CDKN2B-AS1: variants seen among roughly 807,000 people sequenced by gnomAD.
The protein encoded by CDKN2B-AS1 is CDKN2B and CDKN2A antisense cis and trans regulatory RNA 1.
intron 4 of CDKN2B-AS1, among the ~76,000 whole-genome samples, chr9:22,088,342 T>C (rs901831122): frequency 6.6e-6 from 1 of 152,154 alleles, no homozygotes; most frequent in Non-Finnish European, 1.5e-5. Context: ...TCAGTGGTAT[T>C]TACCTTTTTG....
At chr9:22,077,988 A>G (rs763688574) in intron 4 of CDKN2B-AS1, 2 of 152,142 alleles carry the variant, frequency 1.3e-5, no homozygotes, top group Non-Finnish European at 2.9e-5. Context: ...ACTGCTTCAT[A>G]TTTTTAAGTT....
intron 1 of CDKN2B-AS1, among the ~76,000 whole-genome samples, chr9:22,023,201 A>T (rs1338818875): frequency 3.9e-5 from 6 of 152,132 alleles, no homozygotes; most frequent in Non-Finnish European, 7.3e-5. Context: ...CTCATGGATG[A>T]TATTTTAAAA....
rs971607154 is a variant in CDKN2B-AS1 at position 22,000,647 on chromosome 9, T to G, written n.29+5486T>G. On this transcript the variant is annotated intron_variant and non_coding_transcript_variant, in intron 1 of 4. Transcript: ENST00000650946. The surrounding 1 kb of genome is among the most constrained non-coding windows in gnomAD (Gnocchi z 4.1). ...CAACAGTCACCCTCTAGAAGAAAAC[T>G]CTGTGTTGACAATAATCTGCTGACT... is the stretch of plus-strand genomic sequence containing the variant. 1.3e-5 allele frequency among the ~76,000 whole-genome samples: 2 copies of G among 152,154 alleles called. No individual in the cohort carries two copies. The highest frequency in any genetic ancestry group is 4.8e-5 in the African/African-American group (2 of 41,460).
chr9:22,107,288 G>A (rs1825685425), intron 4 of CDKN2B-AS1, among the ~76,000 whole-genome samples: 1 of 152,304 alleles, frequency 6.6e-6, no homozygotes, highest in South Asian at 2.1e-4. Flanking sequence ...AGCATTGGTA[G>A]CCGTTAGTCA....
At chr9:22,091,113 G>A (rs563745372) in intron 4 of CDKN2B-AS1, among the ~76,000 whole-genome samples, 1 of 152,222 alleles carries the variant, frequency 6.6e-6, no homozygotes, top group Non-Finnish European at 1.5e-5. Flanking sequence ...TTTTTATCAG[G>A]TTTGTCAAAG....
chr9:22,126,784 G>A (rs1165487469), intron 4 of CDKN2B-AS1, among the ~76,000 whole-genome samples: 1 of 152,080 alleles, frequency 6.6e-6, no homozygotes, highest in African/African-American at 2.4e-5. Context: ...ATGTTAGCCA[G>A]GATGGCCTGG....
intron 4 of CDKN2B-AS1, among the ~76,000 whole-genome samples, chr9:22,083,656 A>G (rs997270938): frequency 2.0e-5 from 3 of 152,180 alleles, no homozygotes; most frequent in Non-Finnish European, 4.4e-5. Context: ...CGATCAGCCT[A>G]TATTTAGATG....
At chr9:22,051,867 A>C (rs980562683) in intron 3 of CDKN2B-AS1, among the ~76,000 whole-genome samples, 4 of 151,986 alleles carry the variant, frequency 2.6e-5, no homozygotes, top group Non-Finnish European at 5.9e-5. Context: ...TAGATAAATT[A>C]GACGTATACA....
intron 4 of CDKN2B-AS1, among the ~76,000 whole-genome samples, chr9:22,088,672 C>A (rs1824949044): frequency 6.6e-6 from 1 of 152,126 alleles, no homozygotes. Context: ...GAATTACTGT[C>A]CTCTCAATAG....
rs560757744 is a variant in CDKN2B-AS1, at chr9:22,026,539, T to G, written n.30-20212T>G. Among the ~76,000 whole-genome samples the G allele has an allele frequency of 5.3e-4, 80 of 152,296 alleles. 1 individual carries two copies. Among genetic ancestry groups the G allele is most frequent in the African/African-American group, 1.8e-3 (73 of 41,586 alleles). The stretch of plus-strand genomic sequence containing the variant: ...GGAGCTTTGTACCAGGGAGGCACAA[T>G]GTTGCTACTGGTGGCTAGCTGGAAT... On this transcript the variant is annotated intron_variant and non_coding_transcript_variant, in intron 1 of 4. Coordinates refer to ENST00000650946, the Ensembl canonical transcript of CDKN2B-AS1.
chr9:22,078,138 G>T (rs545335718), intron 4 of CDKN2B-AS1, among the ~76,000 whole-genome samples: 1 of 152,104 alleles, frequency 6.6e-6, no homozygotes, highest in South Asian at 2.1e-4. Context: ...ATAGTGTCTT[G>T]AACTGATTGT....
intron 4 of CDKN2B-AS1, among the ~76,000 whole-genome samples, chr9:22,105,829 G>A (rs942571648): frequency 6.6e-6 from 1 of 152,334 alleles, no homozygotes; most frequent in African/African-American, 2.4e-5. Flanking sequence ...AACAGATTAG[G>A]AGCATGATGT....
chr9:22,012,378 G>T, intron 1 of CDKN2B-AS1: 2 of 958,614 alleles, frequency 2.1e-6, no homozygotes, highest in East Asian at 2.4e-5. Flanking sequence ...CACCTGCGAG[G>T]TGGCATTATT....
At chr9:22,046,118 A>T (rs1462006504) in intron 1 of CDKN2B-AS1, among the ~76,000 whole-genome samples, 1 of 152,042 alleles carries the variant, frequency 6.6e-6, no homozygotes, top group Admixed American at 6.6e-5. Flanking sequence ...AAGCCATCCA[A>T]ATGATTCCCT....
chr9:22,069,303 A>G (rs766196905), intron 4 of CDKN2B-AS1, among the ~76,000 whole-genome samples: 9 of 151,708 alleles, frequency 5.9e-5, no homozygotes, highest in Non-Finnish European at 8.8e-5. Flanking sequence ...AGTAGCAGGA[A>G]TATTATGATT....
At chr9:22,120,726 T>C (rs1192286052) in intron 4 of CDKN2B-AS1, 1 of 152,168 alleles carries the variant, frequency 6.6e-6, no homozygotes, top group Non-Finnish European at 1.5e-5. Context: ...GGCATATGTC[T>C]TTCTGGTATA....
At chr9:22,027,597 A>ACTCTTTTTG (rs1486800634) in intron 1 of CDKN2B-AS1, among the ~76,000 whole-genome samples, 1 of 152,096 alleles carries the variant, frequency 6.6e-6, no homozygotes, top group African/African-American at 2.4e-5. Flanking sequence ...TTTCATGGTT[A>ACTCTTTTTG]CTCTTTTTGG....
At chr9:22,105,781 A>G (rs1179267757) in intron 4 of CDKN2B-AS1, among the ~76,000 whole-genome samples, 1 of 152,236 alleles carries the variant, frequency 6.6e-6, no homozygotes, top group East Asian at 1.9e-4. Context: ...TTTTTTGAAA[A>G]TCAAGTGTGA....
intron 1 of CDKN2B-AS1, among the ~76,000 whole-genome samples, chr9:22,017,452 G>C (rs1377105654): frequency 2.0e-5 from 3 of 152,184 alleles, no homozygotes; most frequent in Non-Finnish European, 4.4e-5. Context: ...TGCTAGGCAA[G>C]TTTGAGCTTT....
Sources: gnomAD v4.1 joint callset for allele counts (sites outside exome capture counted in the v4.1 genomes callset) on GRCh38, gnomAD v4.1.1 for gene constraint, Gnocchi (gnomAD v3.1) non-coding constraint, MANE v1.5 for transcripts, NCBI Gene and HGNC (gene_info 2026-07-23, HGNC 2026-07-21) for gene names.